Variants in CNTNAP2 observed in about 807,000 individuals in gnomAD.
CNTNAP2 encodes the protein contactin associated protein 2.
A neutral mutation model predicts 155.2 loss-of-function variants in CNTNAP2; 98 were observed. The observed-to-expected ratio is 0.63, with a 90% confidence interval of 0.54 to 0.75. The LOEUF is 0.75. Among genes scored for constraint, CNTNAP2 ranks in the 30% least tolerant of loss-of-function variants. CNTNAP2 has a pLI of 0.00. For synonymous variants in CNTNAP2, 651 were observed against 631.2 expected (o/e 1.03, Z -0.47); for missense variants, 1,727 against 1,688.1 (o/e 1.02, Z -0.40).
chr7:148,353,374 C>G (rs985894549), intron 21 of CNTNAP2, among the ~76,000 whole-genome samples: 2 of 152,168 alleles, frequency 1.3e-5, no homozygotes, highest in African/African-American at 2.4e-5. Context: ...TTCATTCCCC[C>G]CAAAACCTGG....
intron 8 of CNTNAP2, among the ~76,000 whole-genome samples, chr7:147,256,299 G>GGACAC (rs1804325145): frequency 6.6e-6 from 1 of 152,038 alleles, no homozygotes; most frequent in Admixed American, 6.6e-5. Flanking sequence ...AGAGAAAGAT[G>GGACAC]GACACTGTCT....
chr7:146,124,722 A>G (rs1797610440), intron 1 of CNTNAP2, among the ~76,000 whole-genome samples: 3 of 152,170 alleles, frequency 2.0e-5, no homozygotes, highest in South Asian at 4.1e-4. Context: ...CTATTATACT[A>G]GCTTAGTGTT....
At chr7:147,712,084 G>A (rs1035822989) in intron 13 of CNTNAP2, among the ~76,000 whole-genome samples, 4 of 152,050 alleles carry the variant, frequency 2.6e-5, no homozygotes, top group African/African-American at 7.2e-5. Flanking sequence ...CTTCATTCTT[G>A]CTCCACGTTT....
At chr7:146,564,457 A>G (rs1798326480) in intron 1 of CNTNAP2, among the ~76,000 whole-genome samples, 1 of 150,968 alleles carries the variant, frequency 6.6e-6, no homozygotes. Flanking sequence ...AGTACTTAAT[A>G]TACAAATTTT....
chr7:146,658,555 A>G (rs1396665845), intron 1 of CNTNAP2, among the ~76,000 whole-genome samples: 2 of 152,224 alleles, frequency 1.3e-5, no homozygotes, highest in African/African-American at 4.8e-5. Context: ...TGGCATGAAA[A>G]GGATGATCAG....
chr7:147,511,368 T>C (rs1277943500), intron 11 of CNTNAP2, among the ~76,000 whole-genome samples: 2 of 152,140 alleles, frequency 1.3e-5, no homozygotes, highest in Non-Finnish European at 2.9e-5. Context: ...ATGATTCCAC[T>C]ATTTAATTCT....
chr7:146,703,228 A>AT (rs1800906695), intron 1 of CNTNAP2, among the ~76,000 whole-genome samples: 1 of 152,128 alleles, frequency 6.6e-6, no homozygotes, highest in Non-Finnish European at 1.5e-5. Flanking sequence ...CTAAACTGAA[A>AT]TAAACCATGT....
chr7:147,039,288 G>T (rs748503386), intron 3 of CNTNAP2, among the ~76,000 whole-genome samples: 1 of 152,116 alleles, frequency 6.6e-6, no homozygotes, highest in Admixed American at 6.5e-5. Flanking sequence ...ACAGGGGTTT[G>T]TTGTACAGAT....
chr7:146,855,688 A>C (rs1794966079), intron 3 of CNTNAP2, among the ~76,000 whole-genome samples: 1 of 151,594 alleles, frequency 6.6e-6, no homozygotes, highest in Admixed American at 6.6e-5. Flanking sequence ...TGAGCAAATG[A>C]GTGATATGTC....
intron 2 of CNTNAP2, among the ~76,000 whole-genome samples, chr7:146,821,880 T>C (rs910002730): frequency 2.6e-4 from 40 of 151,448 alleles, no homozygotes; most frequent in African/African-American, 9.7e-4. Context: ...GGTGGGACTG[T>C]AAACTAGTTC....
chr7:147,297,139 C>T lies in CNTNAP2; in HGVS notation c.1349-3002C>T, dbSNP rs139368196. ...TAGAATGAGTCATATTGCACATTAC[C>T]GTGTAGAGCTGAGAAGCCATAGTCA... On this transcript the variant is annotated intron_variant, in intron 8 of 23. Coordinates refer to ENST00000361727, the MANE Select transcript of CNTNAP2 (RefSeq NM_014141.6). 2.3e-3 allele frequency among the ~76,000 whole-genome samples: 357 copies of T among 152,174 alleles called. 3 individuals are homozygous for T. Among genetic ancestry groups the T allele is most frequent in the African/African-American group, 7.9e-3 (328 of 41,532 alleles).
intron 10 of CNTNAP2, among the ~76,000 whole-genome samples, chr7:147,429,892 G>T (rs1797438187): frequency 6.6e-6 from 1 of 151,996 alleles, no homozygotes; most frequent in Non-Finnish European, 1.5e-5. Context: ...TTTTTTCTGG[G>T]TTCTCTATTC....
intron 3 of CNTNAP2, among the ~76,000 whole-genome samples, chr7:146,853,482 C>A (rs911971981): frequency 7.9e-5 from 12 of 152,216 alleles, no homozygotes; most frequent in African/African-American, 2.4e-4. Context: ...TGGAATTTAA[C>A]CTATTTCTTA....
chr7:148,233,330 G>C (rs1055541059), intron 20 of CNTNAP2, among the ~76,000 whole-genome samples: 6 of 151,944 alleles, frequency 3.9e-5, no homozygotes, highest in African/African-American at 1.5e-4. Flanking sequence ...GGATCTAAGG[G>C]GGTTTACAGG....
chr7:147,871,982 A>G (rs921290800), intron 13 of CNTNAP2, among the ~76,000 whole-genome samples: 3 of 152,136 alleles, frequency 2.0e-5, no homozygotes, highest in Admixed American at 1.3e-4. Context: ...TTTTATTCAC[A>G]TGAGTGAAAT....
At chr7:148,120,749 A>G (rs56134408) in intron 16 of CNTNAP2, among the ~76,000 whole-genome samples, 2,490 of 152,234 alleles carry the variant, frequency 0.016, 78 homozygotes, top group African/African-American at 0.056. Context: ...CAAGACCCAG[A>G]TTCGAGCCTC....
chr7:146,857,749 G>C (rs764586506), intron 3 of CNTNAP2, among the ~76,000 whole-genome samples: 10 of 152,170 alleles, frequency 6.6e-5, no homozygotes, highest in African/African-American at 2.4e-4. Flanking sequence ...TCAATAGACA[G>C]TGTTATCTAG....
At chr7:147,869,413 C>T (rs887005063) in intron 13 of CNTNAP2, among the ~76,000 whole-genome samples, 7 of 152,142 alleles carry the variant, frequency 4.6e-5, no homozygotes, top group Non-Finnish European at 8.8e-5. Flanking sequence ...AAAGGGAAAT[C>T]TCCAAGTTGA....
intron 9 of CNTNAP2, among the ~76,000 whole-genome samples, chr7:147,321,222 C>T (rs1795345523): frequency 6.6e-6 from 1 of 152,062 alleles, no homozygotes; most frequent in South Asian, 2.1e-4. Flanking sequence ...ACCTTGAGGT[C>T]CTGAAAAAGA....
Sources: allele counts gnomAD v4.1 joint callset (sites outside exome capture counted in the v4.1 genomes callset), GRCh38; gene constraint gnomAD v4.1.1; transcripts MANE v1.5; gene names NCBI Gene and HGNC (gene_info 2026-07-23, HGNC 2026-07-21).